TEX10: variants seen among roughly 807,000 people sequenced by gnomAD.
TEX10 encodes testis-expressed protein 10.
A neutral mutation model predicts 104.4 loss-of-function variants in TEX10; 24 were observed. That is an observed-to-expected ratio of 0.23 (90% CI 0.17 to 0.32). The LOEUF is 0.32. Among genes scored for constraint, TEX10 ranks in the 10% least tolerant of loss-of-function variants. The pLI is 1.00. For synonymous variants in TEX10, 396 were observed against 393.4 expected, an observed-to-expected ratio of 1.01 and a Z score of -0.08; for missense variants, 921 against 1,083.9, an observed-to-expected ratio of 0.85 and a Z score of 2.11.
At chr9:100,333,512 TA>T (rs1442627237) in intron 5 of TEX10, among the ~76,000 whole-genome samples, 5 of 151,474 alleles carry the variant, frequency 3.3e-5, no homozygotes, top group Non-Finnish European at 7.4e-5. Context: ...AACATAAGAC[TA>T]AAGCAAAACA....
At chr9:100,321,313 T>C (rs1198595920) in intron 10 of TEX10, among the ~76,000 whole-genome samples, 1 of 152,192 alleles carries the variant, frequency 6.6e-6, no homozygotes, top group Non-Finnish European at 1.5e-5. Flanking sequence ...TTCAGAAAAT[T>C]TCAAAGAATC....
In TEX10 at chr9:100,320,392, G is replaced by A. The variant is rs553322645; in HGVS notation, c.2075C>T (p.Ser692Leu). 136 of 1,605,830 alleles carry A rather than the reference G, an allele frequency of 8.5e-5. No individual in the cohort carries two copies. The highest frequency in any genetic ancestry group is 1.1e-4 in the Non-Finnish European group (134 of 1,176,634). Residue 692 changes from serine to leucine, a missense_variant, in exon 11 of 15, where the codon TCG (serine) becomes TTG (leucine). By Grantham distance (145) the Ser-to-Leu change is moderately radical (BLOSUM62 -2). Around this residue, in one of 3 missense-constraint regions of TEX10, gnomAD observed 753 missense variants for 868.4 expected, o/e 0.87. Coordinates refer to ENST00000374902, the MANE Select transcript of TEX10 (RefSeq NM_017746.4). Reference protein sequence around the residue: ...SFLFSTLTGFSKEELTWLQSL... With the variant: ...SFLFSTLTGFLKEELTWLQSL... ...CTGAAGCCAAGTCAACTCCTCTTTC[G>A]AAAACCCTAATTCAGGTAACAAAGA...
chr9:100,346,848 C>G lies in TEX10; in HGVS notation c.739G>C (p.Glu247Gln), dbSNP rs1835311885. 3.7e-6 allele frequency: 6 copies of G among 1,614,180 alleles called. No individual in the cohort carries two copies. The East Asian group carries it at 1.3e-4, about 36-fold the overall frequency. The change falls in exon 3 of 15, where the codon GAA becomes CAA. Residue 247 changes from glutamate (E) to glutamine (Q), a missense_variant. By Grantham distance (29) the Glu-to-Gln change is conservative. Around this residue, in one of 3 missense-constraint regions of TEX10, gnomAD observed 753 missense variants for 868.4 expected, o/e 0.87. Transcript: ENST00000374902. Reference sequence around the variant, plus strand: ...TTCTGTTCCTGAAGTCCTTCACTTTCTCTCAACCTACTGGATCCATCTGCC... The same window carrying G: ...TTCTGTTCCTGAAGTCCTTCACTTTGTCTCAACCTACTGGATCCATCTGCC... ...ALADGSSRLR[E>Q]SEGLQEQKEN... is the part of the protein sequence containing the mutation.
rs28687075 is a variant in TEX10, at chr9:100,303,440, C to A, written c.2676+192G>T. On this transcript the variant is annotated intron_variant, in intron 14 of 14. Transcript: ENST00000374902. ...ACTAATTCTGGAATCACAGACACACCCCCCCCCCCATTAAGTCACAGTCAG... is the reference window on the plus strand; with the variant it reads ...ACTAATTCTGGAATCACAGACACACACCCCCCCCCATTAAGTCACAGTCAG... 0.18 allele frequency among the ~76,000 whole-genome samples: 9,852 copies of A among 54,936 alleles called. 598 individuals carry two copies. The highest frequency in any genetic ancestry group is 0.35 in the Admixed American group (2,545 of 7,188). The allele number at this position is 54,936 out of a possible 152,430, so 36.0% of individuals were successfully genotyped here. A position where few individuals can be genotyped will look rare whatever the true frequency, so the allele number is the denominator to read the frequency against.
intron 11 of TEX10, among the ~76,000 whole-genome samples, chr9:100,310,926 A>G (rs547008564): frequency 1.5e-4 from 23 of 152,310 alleles, no homozygotes; most frequent in African/African-American, 4.8e-4. Flanking sequence ...CACAGGAATA[A>G]AAGAATGAGA....
rs759247312 is a variant in TEX10 at position 100,329,259 on chromosome 9, A to G, written c.1506T>C (p.Leu502=). 7.5e-6 allele frequency: 12 copies of G among 1,606,318 alleles called. No individual in the cohort carries two copies. The South Asian group carries it at 1.4e-4, about 18-fold the overall frequency. Residue 502 remains leucine, a synonymous_variant, in exon 7 of 15, where the codon CTT becomes CTC. Transcript: ENST00000374902. ...IQPNREDTET[L]IKAVYTLYQQ... Reference sequence around the variant, plus strand: ...GATATAATGTATAAACTGCCTTAATAAGAGTCTCTGTGTCCTCTACAAACA... The same window carrying G: ...GATATAATGTATAAACTGCCTTAATGAGAGTCTCTGTGTCCTCTACAAACA...
chr9:100,337,917 A>T (rs189878352), intron 5 of TEX10, among the ~76,000 whole-genome samples: 5 of 152,282 alleles, frequency 3.3e-5, no homozygotes, highest in Admixed American at 1.3e-4. Context: ...GAATTCTTAT[A>T]GCACTTAGTT....
In TEX10 at chr9:100,346,128, T is replaced by A; in HGVS notation, c.1081A>T (p.Asn361Tyr). 2 of 1,614,008 alleles carry A rather than the reference T, an allele frequency of 1.2e-6. No individual in the cohort carries two copies. The highest frequency in any genetic ancestry group is 1.7e-6 in the Non-Finnish European group (2 of 1,179,932). ...EPLQVMQQVL[N>Y]IISLLWKLSK... ...AGTTTCCACAGAAGGGAAATAATAT[T>A]AAGAACTTGCTGCATAACCTGTAGA... is the stretch of plus-strand genomic sequence containing the variant. The change falls in exon 4 of 15, where the codon AAT (asparagine) becomes TAT (tyrosine). Residue 361 changes from asparagine to tyrosine, a missense_variant. Physicochemically the swap from Asn to Tyr is moderately radical, Grantham distance 143. Coordinates refer to ENST00000374902, the MANE Select transcript of TEX10 (RefSeq NM_017746.4).
chr9:100,320,201 A>G (rs1408318384), intron 11 of TEX10, 64 bp downstream of exon 11: 6 of 1,463,362 alleles, frequency 4.1e-6, no homozygotes, highest in Non-Finnish European at 4.6e-6. Flanking sequence ...CATATATAGT[A>G]ACTATTACTG....
At chr9:100,328,207 T>C (rs886179297) in intron 7 of TEX10, among the ~76,000 whole-genome samples, 6 of 152,214 alleles carry the variant, frequency 3.9e-5, no homozygotes, top group Non-Finnish European at 5.9e-5. Context: ...TTTTGAAGGA[T>C]AGAGACACTT....
Position 100,340,714 on chromosome 9 carries a change from C to T in TEX10, c.1138-345G>A, listed in dbSNP as rs117123039. Among the ~76,000 whole-genome samples, 1,214 of 152,296 alleles carry T rather than the reference C, an allele frequency of 8.0e-3. 11 individuals carry two copies. Among genetic ancestry groups the T allele is most frequent in the Admixed American group, 0.011 (165 of 15,304 alleles). On this transcript the variant is annotated intron_variant, in intron 4 of 14. Coordinates refer to ENST00000374902, the MANE Select transcript of TEX10 (RefSeq NM_017746.4). ...GTCTTTCTCCCTGATGTTCTGTCTACACCATAACTCTATTCTCCAGCAATT... is the reference window on the plus strand; with the variant it reads ...GTCTTTCTCCCTGATGTTCTGTCTATACCATAACTCTATTCTCCAGCAATT...
chr9:100,339,981 A>C (rs566074335), intron 5 of TEX10, among the ~76,000 whole-genome samples: 1 of 152,136 alleles, frequency 6.6e-6, no homozygotes, highest in African/African-American at 2.4e-5. Flanking sequence ...TAAACCATAC[A>C]CCTTGGCAAT....
chr9:100,337,582 A>G (rs1324845475), intron 5 of TEX10, among the ~76,000 whole-genome samples: 1 of 152,180 alleles, frequency 6.6e-6, no homozygotes, highest in Non-Finnish European at 1.5e-5. Flanking sequence ...TGTCCCCTCA[A>G]CTCCAGAAGC....
chr9:100,330,819 G>A (rs1156997906), intron 5 of TEX10, among the ~76,000 whole-genome samples: 1 of 152,162 alleles, frequency 6.6e-6, no homozygotes, highest in African/African-American at 2.4e-5. Context: ...TTCATGTTTA[G>A]AAAAACATAA....
chr9:100,338,862 G>C (rs1363168151), intron 5 of TEX10, among the ~76,000 whole-genome samples: 1 of 151,732 alleles, frequency 6.6e-6, no homozygotes, highest in African/African-American at 2.4e-5. Flanking sequence ...TTGCACTCCA[G>C]CCTGGGCAAC....
chr9:100,324,574 TAAA>T (rs1363911506), intron 9 of TEX10, among the ~76,000 whole-genome samples: 1 of 152,176 alleles, frequency 6.6e-6, no homozygotes, highest in African/African-American at 2.4e-5. Context: ...TCAGTATTTG[TAAA>T]ATTAATATAT....
chr9:100,326,362 C>A lies in TEX10; in HGVS notation c.1919G>T (p.Cys640Phe). Reference protein sequence around the residue: ...ADLLSRLSRCCIMGRLSSSLA... With the variant: ...ADLLSRLSRCFIMGRLSSSLA... ...ACTTGAACTGAGTCTTCCCATAATA[C>A]AGCAACGACTTAACCGAGAAAGCAA... is the stretch of plus-strand genomic sequence containing the variant. The change falls in exon 9 of 15, where the codon TGT becomes TTT. Residue 640 changes from cysteine to phenylalanine, a missense_variant. Cys to Phe is a radical substitution (Grantham distance 205). Coordinates refer to ENST00000374902, the MANE Select transcript of TEX10 (RefSeq NM_017746.4). The A allele has an allele frequency of 6.2e-7, 1 of 1,614,006 alleles. No individual in the cohort carries two copies. Among genetic ancestry groups the A allele is most frequent in the Middle Eastern group, 1.6e-4 (1 of 6,062 alleles).
intron 5 of TEX10, among the ~76,000 whole-genome samples, chr9:100,330,374 G>A (rs1024396625): frequency 6.6e-6 from 1 of 152,176 alleles, no homozygotes; most frequent in Non-Finnish European, 1.5e-5. Context: ...TGTTAAGAAG[G>A]TACAGAGTGT....
chr9:100,315,256 T>C lies in TEX10; in HGVS notation c.2203-4877A>G, dbSNP rs556239168. Among the ~76,000 whole-genome samples the C allele has an allele frequency of 7.2e-5, 11 of 152,332 alleles. No individual in the cohort carries two copies. In the South Asian group the frequency reaches 2.3e-3, roughly 32 times the overall value. On this transcript the variant is annotated intron_variant, in intron 11 of 14. Coordinates refer to ENST00000374902, the MANE Select transcript of TEX10 (RefSeq NM_017746.4). ...GCAGTTTGTTGAGTAGAATATTCTA[T>C]AAATGTCTGTAAGGTCCACTTAGTC... is the stretch of plus-strand genomic sequence containing the variant.
Sources: gnomAD v4.1 joint callset for allele counts (sites outside exome capture counted in the v4.1 genomes callset) on GRCh38, gnomAD v4.1.1 for gene constraint, gnomAD v4.1.1 regional missense constraint, MANE v1.5 for transcripts, NCBI Gene and HGNC (gene_info 2026-07-23, HGNC 2026-07-21) for gene names.